Variants in COMP observed in about 807,000 individuals in gnomAD.
COMP encodes the protein cartilage oligomeric matrix protein (pseudoachondroplasia, epiphyseal dysplasia 1, multiple).
In COMP, 79 loss-of-function variants were observed where a neutral mutation model predicts 95.8. The observed-to-expected ratio is 0.82, with a 90% confidence interval of 0.69 to 0.99. The LOEUF is 0.99. Ranked by LOEUF, COMP falls within the 50% of genes least tolerant of loss-of-function variation. The pLI is 0.00. For synonymous variants in COMP, 438 were observed against 433.9 expected, an observed-to-expected ratio of 1.01 and a Z score of -0.12; for missense variants, 906 against 1,076.1, an observed-to-expected ratio of 0.84 and a Z score of 2.21.
Position 18,788,767 on chromosome 19 carries a change from G to A in COMP, c.604-17C>T, listed in dbSNP as rs2055189129. ...GAAGGAGCCCTGCGCCGGAGCCGCC[G>A]GAGGTCAGCGCAGGCCGCCCGCCGC... On this transcript the variant is annotated splice_polypyrimidine_tract_variant and intron_variant, in intron 6 of 18. Transcript: ENST00000222271. The surrounding 1 kb of genome is among the most constrained non-coding windows in gnomAD (Gnocchi z 4.7). 6.3e-6 allele frequency: 10 copies of A among 1,596,052 alleles called. No homozygotes were observed. Among genetic ancestry groups the A allele is most frequent in the East Asian group, 2.2e-5 (1 of 44,544 alleles).
In COMP at chr19:18,782,918, G is replaced by A. The variant is rs768139579; in HGVS notation, c.2271C>T (p.Ala757=). The A allele has an allele frequency of 6.2e-7, 1 of 1,611,736 alleles. No individual in the cohort carries two copies. The highest frequency in any genetic ancestry group is 8.5e-7 in the Non-Finnish European group (1 of 1,179,986). Reference sequence around the variant, plus strand: ...CGGCGGGTCCTCACCCTGGTCCCTAGGCTTGCCGCAGCTGATGGGTCTCAT... The same window carrying A: ...CGGCGGGTCCTCACCCTGGTCCCTAAGCTTGCCGCAGCTGATGGGTCTCAT... The part of the protein sequence containing the change: ...EDYETHQLRQ[A] Residue 757 remains alanine (A), a synonymous_variant, in exon 19 of 19, where the codon GCC becomes GCT. Coordinates refer to ENST00000222271, the MANE Select transcript of COMP (RefSeq NM_000095.3).
In COMP at chr19:18,788,755, G is replaced by T. The variant is rs1165041536; in HGVS notation, c.604-5C>A. ...CGGGCCGCACTGGAAGGAGCCCTGCGCCGGAGCCGCCGGAGGTCAGCGCAG... is the reference window on the plus strand; with the variant it reads ...CGGGCCGCACTGGAAGGAGCCCTGCTCCGGAGCCGCCGGAGGTCAGCGCAG... On this transcript the variant is annotated splice_polypyrimidine_tract_variant and splice_region_variant and intron_variant, in intron 6 of 18. Transcript: ENST00000222271. This position sits in a 1 kb window ranked among gnomAD's most constrained non-coding sequence, Gnocchi z 4.7. 2 of 1,579,628 alleles carry T rather than the reference G, an allele frequency of 1.3e-6. No homozygotes were observed. Among genetic ancestry groups the T allele is most frequent in the African/African-American group, 1.3e-5 (1 of 74,496 alleles).
Position 18,788,670 on chromosome 19 carries a change from G to C in COMP, c.684C>G (p.Phe228Leu), listed in dbSNP as rs923077779. The C allele has an allele frequency of 8.4e-6, 13 of 1,543,586 alleles. No homozygotes were observed. The African/African-American group carries it at 1.8e-4, about 21-fold the overall frequency. Residue 228 changes from phenylalanine (F) to leucine (L), a missense_variant, in exon 7 of 19, where the codon TTC becomes TTG. By Grantham distance (22) the Phe-to-Leu change is conservative. Transcript: ENST00000222271. This position sits in a 1 kb window ranked among gnomAD's most constrained non-coding sequence, Gnocchi z 4.7. ...ASGCQRRAQR[F>L]CPDGSPSECH... ...ACTCGCTGGGCGAGCCGTCGGGGCA[G>C]AAGCGCTGTGCGCGCCGCTGGCAGC...
chr19:18,790,010 C>A lies in COMP; in HGVS notation c.322G>T (p.Gly108Cys), dbSNP rs1469607897. The change falls in exon 4 of 19, where the codon GGC (glycine) becomes TGC (cysteine). Residue 108 changes from glycine to cysteine, a missense_variant. Physicochemically the swap from Gly to Cys is radical, Grantham distance 159 (BLOSUM62 -3). Transcript: ENST00000222271. ...GCGGGGCAGGGGCCGCAGCGCGCGC[C>A]GCTCTCCGTCTGGATGCAGGCCACG... ...PGVACIQTES[G>C]ARCGPCPAGF... 2 of 1,587,732 alleles carry A rather than the reference C, an allele frequency of 1.3e-6. No homozygotes were observed. The highest frequency in any genetic ancestry group is 3.5e-5 in the Admixed American group (2 of 57,878).
chr19:18,787,558 G>C lies in COMP; in HGVS notation c.1068C>G (p.Asn356Lys), dbSNP rs1179048418. 1 of 1,614,008 alleles carries C rather than the reference G, an allele frequency of 6.2e-7. No individual in the cohort carries two copies. Among genetic ancestry groups the C allele is most frequent in the Non-Finnish European group, 8.5e-7 (1 of 1,180,044 alleles). ...DACDNCRSQK[N>K]DDQKDTDQDG... ...CCTGGTCTGTGTCCTTTTGGTCGTC[G>C]TTCTTCTGGGACCGGCAGTTGTCGC... The change falls in exon 10 of 19, where the codon AAC (asparagine) becomes AAG (lysine). Residue 356 changes from asparagine to lysine, a missense_variant. Coordinates refer to ENST00000222271, the MANE Select transcript of COMP (RefSeq NM_000095.3).
At position 18,788,908 on chromosome 19, in the gene COMP, G is replaced by T. The variant is rs2055190384; in HGVS notation, c.534C>A (p.Cys178Ter). ...LAFAKANKQV[C>*]TDINECETGQ... is the part of the protein sequence containing the mutation. ...CGGTCTCACACTCGTTGATGTCCGT[G>T]CAAACCTAGGGGAGGGGAACTCAGA... Residue 178 changes from cysteine to a stop codon, truncating the protein, a stop_gained, in exon 6 of 19, where the codon TGC becomes TGA. Coordinates refer to ENST00000222271, the MANE Select transcript of COMP (RefSeq NM_000095.3). LOFTEE classifies it high-confidence loss of function. This position sits in a 1 kb window ranked among gnomAD's most constrained non-coding sequence, Gnocchi z 4.7. 6.2e-7 allele frequency: 1 copy of T among 1,613,352 alleles called. No individual in the cohort carries two copies.
intron 10 of COMP, 96 bp downstream of exon 10, chr19:18,787,395 C>A (rs1223521287): frequency 5.1e-6 from 8 of 1,568,024 alleles, no homozygotes; most frequent in African/African-American, 1.3e-5. Flanking sequence ...CTTACCCCAT[C>A]CGGCTTCCAA....
Position 18,787,509 on chromosome 19 carries a change from C to T in COMP, c.1117G>A (p.Asp373Asn), listed in dbSNP as rs757207641. 8 of 1,613,312 alleles carry T rather than the reference C, an allele frequency of 5.0e-6. No individual in the cohort carries two copies. ...AGCTCACGGTCGCCGTCGATGTCGT[C>T]GTCGCACGCATCGCCCCGGCCGTCC... ...DQDGRGDACD[D>N]DIDGDRIRNQ... Residue 373 changes from aspartate (D) to asparagine (N), a missense_variant, in exon 10 of 19, where the codon GAC becomes AAC. Physicochemically the swap from Asp to Asn is conservative, Grantham distance 23. Transcript: ENST00000222271.
intron 15 of COMP, 46 bp downstream of exon 15, chr19:18,785,452 C>G: frequency 6.2e-7 from 1 of 1,611,158 alleles, no homozygotes; most frequent in Non-Finnish European, 8.5e-7. Flanking sequence ...GGCCCCTCTC[C>G]CTGAGCCCGC....
chr19:18,789,361 G>T lies in COMP; in HGVS notation c.391-64C>A. On this transcript the variant is annotated intron_variant, in intron 4 of 18. Coordinates refer to ENST00000222271, the MANE Select transcript of COMP (RefSeq NM_000095.3). This position sits in a 1 kb window ranked among gnomAD's most constrained non-coding sequence, Gnocchi z 6.1. ...AGCTGGGCCCTGGGGGCCGCACCTC[G>T]TAGTGTCTCGGATGTGGAAAGTTCA... The T allele has an allele frequency of 7.1e-7, 1 of 1,403,256 alleles. No homozygotes were observed. The highest frequency in any genetic ancestry group is 9.4e-7 in the Non-Finnish European group (1 of 1,067,796). 86.9% of individuals were successfully genotyped at this position (1,403,256 alleles called of 1,614,324 possible).
At chr19:18,783,026 G>T (rs758502189) in intron 18 of COMP, 28 bp downstream of exon 18, 2 of 1,611,584 alleles carry the variant, frequency 1.2e-6, no homozygotes, top group Admixed American at 3.3e-5. Context: ...CAGACTCCCC[G>T]CCCACGGCCC....
chr19:18,787,503 T>TGTC lies in COMP; in HGVS notation c.1120_1122dup (p.Asp374dup), dbSNP rs1198060288. On this transcript the variant is annotated inframe_insertion, in exon 10 of 19. Transcript: ENST00000222271. ...CCATCGAGCTCACGGTCGCCGTCGATGTCGTCGTCGCACGCATCGCCCCGG... is the reference window on the plus strand; with the variant it reads ...CCATCGAGCTCACGGTCGCCGTCGATGTCGTCGTCGTCGCACGCATCGCCCCGG... The TGTC allele has an allele frequency of 6.2e-7, 1 of 1,612,982 alleles. No homozygotes were observed. Among genetic ancestry groups the TGTC allele is most frequent in the South Asian group, 1.1e-5 (1 of 91,066 alleles).
Position 18,786,221 on chromosome 19 carries a change from C to G in COMP, c.1307+18G>C. The G allele has an allele frequency of 6.2e-7, 1 of 1,614,154 alleles. No homozygotes were observed. Among genetic ancestry groups the G allele is most frequent in the South Asian group, 1.1e-5 (1 of 91,084 alleles). ...TGTCAAAGGCTACCCGGACGCCCACCCCAGGTGGCCTCCTTACTGGTCTTG... is the reference window on the plus strand; with the variant it reads ...TGTCAAAGGCTACCCGGACGCCCACGCCAGGTGGCCTCCTTACTGGTCTTG... On this transcript the variant is annotated intron_variant, in intron 12 of 18. Transcript: ENST00000222271.
chr19:18,788,384 G>GCCCCCCC lies in COMP; in HGVS notation c.867+25_867+26insGGGGGGG. On this transcript the variant is annotated intron_variant, in intron 8 of 18. Transcript: ENST00000222271. The surrounding 1 kb of genome is among the most constrained non-coding windows in gnomAD (Gnocchi z 4.7). ...AAGTCCCGCCCTCCCTCCTGCCCAA[G>GCCCCCCC]CCCGCCCCGCTCCGCCCCCACCCAC... 1 of 1,516,168 alleles carries GCCCCCCC rather than the reference G, an allele frequency of 6.6e-7. No homozygotes were observed. The allele number at this position is 1,516,168 out of a possible 1,614,324, so 93.9% of individuals were successfully genotyped here.
At position 18,783,611 on chromosome 19, in the gene COMP, A is replaced by AT. The variant is rs34666033; in HGVS notation, c.2088-419dup. Among the ~76,000 whole-genome samples the AT allele has an allele frequency of 5.9e-3, 807 of 137,938 alleles. 5 individuals carry two copies. The highest frequency in any genetic ancestry group is 9.9e-3 in the South Asian group (42 of 4,258). The allele number at this position is 137,938 out of a possible 152,430, so 90.5% of individuals were successfully genotyped here. A position where few individuals can be genotyped will look rare whatever the true frequency, so the allele number is the denominator to read the frequency against. Reference sequence around the variant, plus strand: ...ATGGGCACGTGCCACCATGCCTGGCATTTTTTTTTTTTTTTGAGACAGAGT... The same window carrying AT: ...ATGGGCACGTGCCACCATGCCTGGCATTTTTTTTTTTTTTTTGAGACAGAGT... On this transcript the variant is annotated intron_variant, in intron 17 of 18. Transcript: ENST00000222271.
chr19:18,785,350 T>G, intron 15 of COMP, 148 bp downstream of exon 15: 1 of 346,866 alleles, frequency 2.9e-6, no homozygotes, highest in East Asian at 8.3e-5. Flanking sequence ...GGCCCGCCCA[T>G]ATAACCCCGC....
intron 15 of COMP, 119 bp from the exon 16 acceptor site, chr19:18,785,211 C>G (rs2055156134): frequency 2.0e-5 from 21 of 1,044,914 alleles, no homozygotes; most frequent in Non-Finnish European, 2.7e-5. Flanking sequence ...TGCACCATTC[C>G]CACTCGCAGA....
At chr19:18,790,688 G>T (rs1445598263) in intron 2 of COMP, 75 bp from the exon 3 acceptor site, 2 of 1,612,498 alleles carry the variant, frequency 1.2e-6, no homozygotes, top group Non-Finnish European at 1.7e-6. Flanking sequence ...TCTACCCCGG[G>T]GTCCCTTTCT....
rs746866867 is a variant in COMP at position 18,790,562 on chromosome 19, C to G, written c.217G>C (p.Gly73Arg). 1 of 1,613,910 alleles carries G rather than the reference C, an allele frequency of 6.2e-7. No homozygotes were observed. Among genetic ancestry groups the G allele is most frequent in the Non-Finnish European group, 8.5e-7 (1 of 1,179,898 alleles). Reference sequence around the variant, plus strand: ...CTCCCGACCGCCCCGCCGCGCTCACCGCACGCGTCACACTCCATCACCGTG... The same window carrying G: ...CTCCCGACCGCCCCGCCGCGCTCACGGCACGCGTCACACTCCATCACCGTG... ...KNTVMECDAC[G>R]MQQSVRTGLP... The change falls in exon 3 of 19, where the codon GGG (glycine) becomes CGG (arginine). Residue 73 changes from glycine to arginine, a missense_variant and splice_region_variant. By Grantham distance (125) the Gly-to-Arg change is moderately radical (BLOSUM62 -2). Transcript: ENST00000222271.
Sources: allele counts gnomAD v4.1 joint callset (sites outside exome capture counted in the v4.1 genomes callset), GRCh38; gene constraint gnomAD v4.1.1; non-coding constraint Gnocchi (gnomAD v3.1); transcripts MANE v1.5; gene names NCBI Gene and HGNC (gene_info 2026-07-23, HGNC 2026-07-21).